NEBL: variants seen among roughly 807,000 people sequenced by gnomAD.
NEBL encodes nebulette, also known as LIM and SH3 protein 2.
NEBL carries 122 observed loss-of-function variants against 140.2 expected under a neutral mutation model. The ratio of observed to expected loss-of-function variants is 0.87; its 90% CI spans 0.75 to 1.01. The LOEUF (loss-of-function observed/expected upper bound fraction) is 1.01, where lower values mean the gene tolerates loss of function less well. Ranked by LOEUF, NEBL falls within the 50% of genes least tolerant of loss-of-function variation. NEBL has a pLI of 0.00. For missense variants in NEBL, 1,365 were observed against 1,231.3 expected (o/e 1.11, Z -1.62); for synonymous variants, 436 against 398.9 (o/e 1.09, Z -1.11).
At chr10:20,879,047 G>A (rs747135106) in intron 5 of NEBL, among the ~76,000 whole-genome samples, 1 of 152,128 alleles carries the variant, frequency 6.6e-6, no homozygotes, top group Non-Finnish European at 1.5e-5. Flanking sequence ...TCTCTTCAGT[G>A]TCAAAATACT....
chr10:20,950,021 C>A (rs561789675), intron 4 of NEBL, among the ~76,000 whole-genome samples: 1 of 152,258 alleles, frequency 6.6e-6, no homozygotes, highest in African/African-American at 2.4e-5. Flanking sequence ...CCTCCTAAAC[C>A]TGAGTTTGTT....
intron 4 of NEBL, among the ~76,000 whole-genome samples, chr10:20,930,548 C>T (rs1273989337): frequency 6.6e-6 from 1 of 152,192 alleles, no homozygotes; most frequent in South Asian, 2.1e-4. Context: ...AAAATCCTAG[C>T]TCTACCATGG....
chr10:20,840,599 A>G, intron 13 of NEBL, 140 bp downstream of exon 13: 1 of 658,324 alleles, frequency 1.5e-6, no homozygotes, highest in Non-Finnish European at 2.6e-6. Context: ...TAATAGTCCA[A>G]GAAAAGACTA....
chr10:20,845,342 CT>C lies in NEBL; in HGVS notation c.1142del (p.Lys381ArgfsTer11). 3 of 1,601,416 alleles carry C rather than the reference CT, an allele frequency of 1.9e-6. No homozygotes were observed. The highest frequency in any genetic ancestry group is 2.6e-6 in the Non-Finnish European group (3 of 1,169,114). ...CCAGTGATGACCTTCCTTTAATCTC[CT>C]TCTCAAAATCCTCTTTGTAAACTTT... Reference protein sequence around the residue: ...SEKVYKEDFEKEIKGRSSLDL... With the variant: ...SEKVYKEDFEXEIKGRSSLDL... On this transcript the variant is annotated frameshift_variant, in exon 12 of 28. Coordinates refer to ENST00000377122, the MANE Select transcript of NEBL (RefSeq NM_006393.3). LOFTEE classifies it high-confidence loss of function.
intron 2 of NEBL, chr10:21,171,455 G>A (rs2132183817): frequency 6.6e-6 from 1 of 152,388 alleles, no homozygotes; most frequent in South Asian, 2.1e-4. Flanking sequence ...CACAGGAGTG[G>A]AGAAACATAT....
chr10:20,848,294 G>A (rs1050713015), intron 11 of NEBL, among the ~76,000 whole-genome samples: 1 of 152,132 alleles, frequency 6.6e-6, no homozygotes, highest in Non-Finnish European at 1.5e-5. Context: ...GGTAATCTAG[G>A]GAAATTTATT....
chr10:21,029,192 C>T, intron 2 of NEBL: 2 of 1,391,580 alleles, frequency 1.4e-6, no homozygotes, highest in South Asian at 2.3e-5. Flanking sequence ...GTGTATAGGG[C>T]GCCTCCAATT....
At chr10:21,157,235 T>G (rs898220753) in intron 2 of NEBL, among the ~76,000 whole-genome samples, 1 of 152,150 alleles carries the variant, frequency 6.6e-6, no homozygotes, top group Non-Finnish European at 1.5e-5. Flanking sequence ...AACACTGATC[T>G]TTTATAAGCT....
intron 2 of NEBL, among the ~76,000 whole-genome samples, chr10:21,141,209 T>C (rs1457065420): frequency 6.6e-6 from 1 of 152,192 alleles, no homozygotes; most frequent in Non-Finnish European, 1.5e-5. Context: ...GGCATTATTG[T>C]TTCATTTAGT....
At chr10:21,192,255 G>T (rs544998374) in intron 3 of NEBL, among the ~76,000 whole-genome samples, 1 of 150,744 alleles carries the variant, frequency 6.6e-6, no homozygotes, top group East Asian at 2.0e-4. Context: ...GCAGTGGCAC[G>T]ATCTCGGCTT....
At chr10:21,004,537 AGTGAAAC>A in intron 3 of NEBL, among the ~76,000 whole-genome samples, 2 of 152,160 alleles carry the variant, frequency 1.3e-5, no homozygotes, top group South Asian at 2.1e-4. Flanking sequence ...TGGCTAACAC[AGTGAAAC>A]CCCATCTCTA....
intron 2 of NEBL, among the ~76,000 whole-genome samples, chr10:21,096,695 T>C (rs947703445): frequency 1.3e-5 from 2 of 152,224 alleles, no homozygotes; most frequent in East Asian, 3.9e-4. Context: ...TACAATTTTT[T>C]ATAGAGGTGA....
intron 4 of NEBL, among the ~76,000 whole-genome samples, chr10:20,906,855 C>G (rs914643155): frequency 6.6e-6 from 1 of 152,082 alleles, no homozygotes; most frequent in Non-Finnish European, 1.5e-5. Flanking sequence ...AAATCTCTAA[C>G]TTTCTCTCCT....
chr10:20,840,807 C>A lies in NEBL; in HGVS notation c.1270G>T (p.Gly424Ter). 6.2e-7 allele frequency: 1 copy of A among 1,610,618 alleles called. No individual in the cohort carries two copies. The highest frequency in any genetic ancestry group is 8.5e-7 in the Non-Finnish European group (1 of 1,177,656). The change falls in exon 13 of 28, where the codon GGA becomes TGA. Residue 424 changes from glycine to a stop codon, truncating the protein, a stop_gained. Coordinates refer to ENST00000377122, the MANE Select transcript of NEBL (RefSeq NM_006393.3). LOFTEE classifies it high-confidence loss of function. ...AGAACTTCTGAATTAAGTTCCATTC[C>A]TTTCCCTTTTATCTCATTTTCCAAA... ...KDLENEIKGK[G>*]MELNSEVLDI...
chr10:20,813,927 G>T lies in NEBL; in HGVS notation c.2346+12C>A. 6.6e-7 allele frequency: 1 copy of T among 1,512,282 alleles called. No individual in the cohort carries two copies. The highest frequency in any genetic ancestry group is 9.2e-7 in the Non-Finnish European group (1 of 1,087,558). The allele number at this position is 1,512,282 out of a possible 1,614,324, so 93.7% of individuals were successfully genotyped here. ...CTTAGCATGTTTTAAGAATGATCTG[G>T]TTGGACCCTACCATTGAAATATGAT... On this transcript the variant is annotated intron_variant, in intron 23 of 27. Coordinates refer to ENST00000377122, the MANE Select transcript of NEBL (RefSeq NM_006393.3).
chr10:20,936,414 AC>A (rs1358445011), intron 4 of NEBL, among the ~76,000 whole-genome samples: 1 of 152,214 alleles, frequency 6.6e-6, no homozygotes, highest in Admixed American at 6.5e-5. Context: ...TGCAAATGGA[AC>A]CTAAAAAATG....
At chr10:20,955,911 CAAA>C (rs11388003) in intron 4 of NEBL, among the ~76,000 whole-genome samples, 1 of 140,414 alleles carries the variant, frequency 7.1e-6, no homozygotes. Flanking sequence ...TCTCTTGTTT[CAAA>C]AAAAAAAAAA....
chr10:21,197,083 C>T (rs1293108270), intron 3 of NEBL, among the ~76,000 whole-genome samples: 2 of 152,152 alleles, frequency 1.3e-5, no homozygotes, highest in Admixed American at 1.3e-4. Flanking sequence ...TCAGACAAAT[C>T]GTGGCATATT....
Position 21,098,499 on chromosome 10 carries a change from T to C in NEBL, c.164+73884A>G, listed in dbSNP as rs577667688. 4.1e-4 allele frequency among the ~76,000 whole-genome samples: 62 copies of C among 152,306 alleles called. No individual in the cohort carries two copies. The South Asian group carries it at 0.012, about 28-fold the overall frequency. On this transcript the variant is annotated intron_variant, in intron 2 of 6. Transcript: ENST00000417816. ...AAAACTGCATCTTTTCACACAGAAA[T>C]AGGGGTGACTTGTTCTACCTCCCTT...
Sources: allele counts gnomAD v4.1 joint callset (sites outside exome capture counted in the v4.1 genomes callset), GRCh38; gene constraint gnomAD v4.1.1; transcripts MANE v1.5; gene names NCBI Gene and HGNC (gene_info 2026-07-23, HGNC 2026-07-21).